The following ADAM12 variants were observed in gnomAD, a reference collection of about 807,000 sequenced individuals.
ADAM12 encodes disintegrin and metalloproteinase domain-containing protein 12.
A neutral mutation model predicts 106.4 loss-of-function variants in ADAM12; 70 were observed. The ratio of observed to expected loss-of-function variants is 0.66; its 90% CI spans 0.54 to 0.80. The LOEUF (loss-of-function observed/expected upper bound fraction) is 0.80. ADAM12 is among the 30% of genes least tolerant of loss of function. The pLI, the probability that ADAM12 is intolerant of heterozygous loss-of-function variation, is 0.00. For synonymous variants in ADAM12, 420 were observed against 433.5 expected (o/e 0.97, Z 0.39); for missense variants, 1,010 against 1,171.9 (o/e 0.86, Z 2.02).
chr10:126,198,565 G>A (rs1957641384), intron 3 of ADAM12, among the ~76,000 whole-genome samples: 1 of 152,174 alleles, frequency 6.6e-6, no homozygotes. Flanking sequence ...TGCAGCTTCT[G>A]TTTCTGGGCC....
Position 126,058,087 on chromosome 10 carries a change from C to G in ADAM12, c.1609+6719G>C, listed in dbSNP as rs146266675. 2.6e-4 allele frequency among the ~76,000 whole-genome samples: 40 copies of G among 152,268 alleles called. No homozygotes were observed. In the South Asian group the frequency reaches 7.5e-3, roughly 28 times the overall value. On this transcript the variant is annotated intron_variant, in intron 14 of 22. Transcript: ENST00000448723. The stretch of plus-strand genomic sequence containing the variant: ...CAGCTGGATCAGGGTCCAGGGCTCC[C>G]GTGTCCTTCAGGGCTCTCCTCTGCC...
intron 3 of ADAM12, among the ~76,000 whole-genome samples, chr10:126,243,182 G>A (rs996022097): frequency 2.4e-4 from 36 of 152,222 alleles, no homozygotes; most frequent in African/African-American, 7.2e-4. Context: ...CATGGAGGCC[G>A]CCCTGGCTGC....
intron 11 of ADAM12, among the ~76,000 whole-genome samples, chr10:126,081,874 C>G (rs1170447651): frequency 1.3e-5 from 2 of 152,144 alleles, no homozygotes; most frequent in Non-Finnish European, 2.9e-5. Flanking sequence ...AGAACATTTC[C>G]AATATGGTAT....
chr10:126,213,572 C>T (rs534422631), intron 3 of ADAM12, among the ~76,000 whole-genome samples: 1 of 152,196 alleles, frequency 6.6e-6, no homozygotes, highest in Non-Finnish European at 1.5e-5. Flanking sequence ...ATACCCAAAC[C>T]ACTTTCTCTA....
chr10:126,165,455 C>T (rs1052805328), intron 3 of ADAM12, among the ~76,000 whole-genome samples: 2 of 152,254 alleles, frequency 1.3e-5, no homozygotes, highest in African/African-American at 4.8e-5. Context: ...CGGTGCCCAG[C>T]CGGGGGCATT....
chr10:126,280,303 T>G (rs913712768), intron 2 of ADAM12, among the ~76,000 whole-genome samples: 7 of 152,090 alleles, frequency 4.6e-5, no homozygotes, highest in Admixed American at 2.0e-4. Context: ...GGCTGAAACA[T>G]TATTTGCTTT....
chr10:126,275,725 T>C (rs1959224599), intron 3 of ADAM12, among the ~76,000 whole-genome samples: 1 of 152,230 alleles, frequency 6.6e-6, no homozygotes, highest in African/African-American at 2.4e-5. Flanking sequence ...AAAATAACTT[T>C]TATCATTTTC....
chr10:126,109,399 T>C (rs1412687789), intron 7 of ADAM12, among the ~76,000 whole-genome samples: 3 of 152,240 alleles, frequency 2.0e-5, no homozygotes, highest in African/African-American at 4.8e-5. Flanking sequence ...CCTTCATTTA[T>C]TCATTTTGAT....
intron 11 of ADAM12, among the ~76,000 whole-genome samples, chr10:126,081,152 T>C (rs1421851831): frequency 6.6e-6 from 1 of 152,152 alleles, no homozygotes; most frequent in Non-Finnish European, 1.5e-5. Context: ...GCCTCATTAA[T>C]AAACACGCAC....
chr10:126,152,008 G>GTT (rs59527849), intron 4 of ADAM12, among the ~76,000 whole-genome samples: 1,719 of 132,988 alleles, frequency 0.013, 42 homozygotes, highest in African/African-American at 0.044. Flanking sequence ...TCCCTCTTGA[G>GTT]TTTTTTTTTT....
intron 19 of ADAM12, 101 bp downstream of exon 19, chr10:126,039,193 C>T (rs965190940): frequency 7.6e-5 from 107 of 1,405,316 alleles, no homozygotes; most frequent in Non-Finnish European, 8.8e-5. Flanking sequence ...GTGATCCGCC[C>T]GCCTCAGCCT....
At chr10:126,323,928 G>A (rs867691231) in intron 2 of ADAM12, among the ~76,000 whole-genome samples, 2 of 152,138 alleles carry the variant, frequency 1.3e-5, no homozygotes, top group Non-Finnish European at 2.9e-5. Flanking sequence ...TAGGGGTTGC[G>A]CTATTTCATG....
rs1396476536 is a variant in ADAM12 at position 126,071,538 on chromosome 10, C to T, written c.1262G>A (p.Gly421Asp). 6.2e-7 allele frequency: 1 copy of T among 1,614,168 alleles called. No individual in the cohort carries two copies. The change falls in exon 12 of 23, where the codon GGC becomes GAC. Residue 421 changes from glycine to aspartate, a missense_variant. Gly to Asp is a moderately conservative substitution (Grantham distance 94, BLOSUM62 -1). This residue lies in a region of ADAM12 where 615 missense variants were observed against 708.5 expected (regional missense o/e 0.87). Coordinates refer to ENST00000448723, the MANE Select transcript of ADAM12 (RefSeq NM_001288973.2). ...NLPEVRESFG[G>D]QKCGNRFVEE... ...CACAAATCTGTTCCCACACTTCTGG[C>T]CCCCGAAAGACTCCCTGACTTCCGG... is the stretch of plus-strand genomic sequence containing the variant.
intron 4 of ADAM12, among the ~76,000 whole-genome samples, chr10:126,151,075 T>C (rs1414827807): frequency 1.3e-5 from 2 of 152,220 alleles, no homozygotes; most frequent in Non-Finnish European, 2.9e-5. Flanking sequence ...AGGATTTATA[T>C]GCTGAGGAAT....
At chr10:126,373,814 A>C (rs1440370629) in intron 1 of ADAM12, among the ~76,000 whole-genome samples, 1 of 152,248 alleles carries the variant, frequency 6.6e-6, no homozygotes, top group Non-Finnish European at 1.5e-5. Flanking sequence ...TCAGGGAATT[A>C]AGGAATTCCT....
In ADAM12 at chr10:126,047,952, C is replaced by A. The variant is rs1003310504; in HGVS notation, c.1917+1301G>T. Among the ~76,000 whole-genome samples the A allele has an allele frequency of 3.9e-5, 6 of 152,150 alleles. 1 individual carries two copies. The South Asian group carries it at 1.2e-3, about 32-fold the overall frequency. ...TGTGGTACATATACACCATGGAATA[C>A]TATGCAGCCATAAAAAAGAATGAGA... On this transcript the variant is annotated intron_variant, in intron 16 of 22. Coordinates refer to ENST00000448723, the MANE Select transcript of ADAM12 (RefSeq NM_001288973.2).
Position 126,014,823 on chromosome 10 carries a change from T to C in ADAM12, c.*2456A>G, listed in dbSNP as rs1377867414. 2.2e-5 allele frequency: 3 copies of C among 138,374 alleles called. No homozygotes were observed. The highest frequency in any genetic ancestry group is 7.1e-5 in the Admixed American group (1 of 14,168). 8.6% of individuals were successfully genotyped at this position (138,374 alleles called of 1,614,324 possible). On this transcript the variant is annotated 3_prime_UTR_variant, in exon 23 of 23. Coordinates refer to ENST00000448723, the MANE Select transcript of ADAM12 (RefSeq NM_001288973.2). Reference sequence around the variant, plus strand: ...AAACCACCTCTATTATTCATGCCTATACAGTCTTTTAAAAAAATACTAGAT... The same window carrying C: ...AAACCACCTCTATTATTCATGCCTACACAGTCTTTTAAAAAAATACTAGAT...
intron 2 of ADAM12, among the ~76,000 whole-genome samples, chr10:126,296,459 GAGA>G (rs1380281587): frequency 6.6e-6 from 1 of 152,050 alleles, no homozygotes; most frequent in Admixed American, 6.6e-5. Context: ...AAATGTAGTC[GAGA>G]AGAACAATCT....
intron 3 of ADAM12, among the ~76,000 whole-genome samples, chr10:126,267,516 T>A (rs375847881): frequency 6.6e-6 from 1 of 152,148 alleles, no homozygotes; most frequent in East Asian, 1.9e-4. Context: ...AGGCATTAGA[T>A]TCTCATAAGG....
Sources: allele counts gnomAD v4.1 joint callset (sites outside exome capture counted in the v4.1 genomes callset), GRCh38; gene constraint gnomAD v4.1.1; regional missense constraint gnomAD v4.1.1; transcripts MANE v1.5; gene names NCBI Gene and HGNC (gene_info 2026-07-23, HGNC 2026-07-21).